The following SDK1 variants were observed in gnomAD, a reference collection of about 807,000 sequenced individuals.
SDK1 encodes protein sidekick-1.
SDK1 carries 157 observed loss-of-function variants against 245.5 expected under a neutral mutation model. That is an observed-to-expected ratio of 0.64 (90% CI 0.56 to 0.73). The LOEUF (loss-of-function observed/expected upper bound fraction) is 0.73. Ranked by LOEUF, SDK1 falls within the 30% of genes least tolerant of loss-of-function variation. The probability of loss-of-function intolerance (pLI) is 0.00; values close to 1 mark genes in which losing one functional copy is unlikely to be tolerated. For synonymous variants in SDK1, 1,647 were observed against 1,278.5 expected (o/e 1.29, Z -6.15); for missense variants, 3,583 against 3,002.3 (o/e 1.19, Z -4.52).
chr7:4,017,927 G>T (rs1786547443), intron 17 of SDK1, among the ~76,000 whole-genome samples: 1 of 152,156 alleles, frequency 6.6e-6, no homozygotes, highest in South Asian at 2.1e-4. Context: ...AATATCCGTG[G>T]TGAGATCCGG....
At chr7:4,221,107 G>T (rs529241836) in intron 39 of SDK1, 132 bp from the exon 40 acceptor site, 3 of 1,066,812 alleles carry the variant, frequency 2.8e-6, no homozygotes, top group African/African-American at 3.2e-5. Flanking sequence ...CCCTGGGTGC[G>T]TGAGGTTAAG....
intron 1 of SDK1, among the ~76,000 whole-genome samples, chr7:3,614,190 C>G (rs1781692978): frequency 6.6e-6 from 1 of 152,140 alleles, no homozygotes; most frequent in African/African-American, 2.4e-5. Context: ...TTGGGCAGAC[C>G]TTAAACCTAT....
At chr7:4,030,308 G>C (rs183476578) in intron 17 of SDK1, among the ~76,000 whole-genome samples, 27 of 152,344 alleles carry the variant, frequency 1.8e-4, no homozygotes, top group Non-Finnish European at 3.5e-4. Flanking sequence ...ATATGTGTAC[G>C]AAAACAGCTT....
intron 16 of SDK1, among the ~76,000 whole-genome samples, chr7:4,016,122 C>T (rs1209403710): frequency 8.5e-5 from 13 of 152,264 alleles, no homozygotes; most frequent in Admixed American, 7.2e-4. Flanking sequence ...GCTCAGGTGC[C>T]CTGCCCGCGT....
intron 22 of SDK1, among the ~76,000 whole-genome samples, chr7:4,100,775 G>A (rs1782485528): frequency 6.6e-6 from 1 of 152,212 alleles, no homozygotes; most frequent in South Asian, 2.1e-4. Context: ...GGTGTAGGAG[G>A]GCACCAGGCA....
chr7:3,666,858 G>A (rs888828032), intron 4 of SDK1, among the ~76,000 whole-genome samples: 12 of 152,156 alleles, frequency 7.9e-5, no homozygotes, highest in African/African-American at 2.7e-4. Context: ...AGGGATAAAT[G>A]CCTGACGTTT....
At chr7:3,918,868 T>A (rs1779486373) in intron 5 of SDK1, among the ~76,000 whole-genome samples, 2 of 152,124 alleles carry the variant, frequency 1.3e-5, no homozygotes, top group African/African-American at 4.8e-5. Context: ...CTTCTCACAC[T>A]CTATTCTTCT....
At chr7:3,844,727 C>T (rs1193439878) in intron 5 of SDK1, among the ~76,000 whole-genome samples, 1 of 152,178 alleles carries the variant, frequency 6.6e-6, no homozygotes, top group Non-Finnish European at 1.5e-5. Flanking sequence ...GAGTGCCACA[C>T]AGAGAACCTC....
rs1286992645 is a variant in SDK1 at position 3,441,557 on chromosome 7, C to T, written c.298+139673C>T. The stretch of plus-strand genomic sequence containing the variant: ...ATCTATTTTTGGACTCTGTTTTGTT[C>T]CGTTGATACATTTGTGTCTCTTTGC... On this transcript the variant is annotated intron_variant, in intron 1 of 44. Coordinates refer to ENST00000404826, the MANE Select transcript of SDK1 (RefSeq NM_152744.4). Among the ~76,000 whole-genome samples the T allele has an allele frequency of 2.6e-5, 4 of 151,746 alleles. No homozygotes were observed. The East Asian group carries it at 7.7e-4, about 29-fold the overall frequency.
At chr7:3,461,959 C>G (rs1375181342) in intron 1 of SDK1, among the ~76,000 whole-genome samples, 1 of 152,096 alleles carries the variant, frequency 6.6e-6, no homozygotes, top group Non-Finnish European at 1.5e-5. Context: ...TAAGCATGTT[C>G]AAGACTCTTC....
chr7:3,860,678 G>A (rs921533411), intron 5 of SDK1, among the ~76,000 whole-genome samples: 11 of 152,250 alleles, frequency 7.2e-5, no homozygotes, highest in Admixed American at 4.6e-4. Context: ...TTAAAATGAC[G>A]TAGCAGTCAT....
rs184594740 is a variant in SDK1, at chr7:3,630,527, T to G, written c.459-8477T>G. 3.6e-3 allele frequency among the ~76,000 whole-genome samples: 542 copies of G among 152,264 alleles called. 6 individuals are homozygous for G. The highest frequency in any genetic ancestry group is 0.012 in the African/African-American group (494 of 41,562). On this transcript the variant is annotated intron_variant, in intron 2 of 44. Coordinates refer to ENST00000404826, the MANE Select transcript of SDK1 (RefSeq NM_152744.4). ...GGTGCATGCCTATAATCCCAGTTAG[T>G]TGGGAGGTTGAGGCAGGAGAATCCC...
intron 32 of SDK1, among the ~76,000 whole-genome samples, chr7:4,166,612 C>A (rs931004362): frequency 6.6e-6 from 1 of 152,190 alleles, no homozygotes. Flanking sequence ...GACCAAACTC[C>A]GGAGAGAATC....
intron 5 of SDK1, among the ~76,000 whole-genome samples, chr7:3,827,962 C>A (rs1779817603): frequency 6.6e-6 from 1 of 152,210 alleles, no homozygotes; most frequent in Non-Finnish European, 1.5e-5. Context: ...TAGAACAAAG[C>A]ACGTCTGTCC....
intron 1 of SDK1, among the ~76,000 whole-genome samples, chr7:3,586,887 T>C (rs1461852281): frequency 2.6e-5 from 4 of 152,152 alleles, no homozygotes; most frequent in Non-Finnish European, 5.9e-5. Flanking sequence ...GTGCTGGAGC[T>C]GTTGTGAGAG....
intron 5 of SDK1, among the ~76,000 whole-genome samples, chr7:3,861,438 A>G (rs1780689959): frequency 6.6e-6 from 1 of 152,178 alleles, no homozygotes; most frequent in Non-Finnish European, 1.5e-5. Flanking sequence ...CTGTGCAGGC[A>G]TTTTTGGGCT....
At chr7:4,111,405 A>G (rs899305718) in intron 23 of SDK1, among the ~76,000 whole-genome samples, 2 of 152,236 alleles carry the variant, frequency 1.3e-5, no homozygotes, top group Non-Finnish European at 2.9e-5. Flanking sequence ...TTGTTCTGCC[A>G]GGATGGAACA....
At chr7:4,005,825 G>A (rs568071899) in intron 14 of SDK1, among the ~76,000 whole-genome samples, 2 of 152,312 alleles carry the variant, frequency 1.3e-5, no homozygotes, top group South Asian at 4.1e-4. Flanking sequence ...GAGTCCAGGT[G>A]TTCAAGACAA....
In SDK1 at chr7:3,710,323, A is replaced by C. The variant is rs533599498; in HGVS notation, c.713+68218A>C. Among the ~76,000 whole-genome samples the C allele has an allele frequency of 2.6e-5, 4 of 152,376 alleles. No individual in the cohort carries two copies. The South Asian group carries it at 8.3e-4, about 32-fold the overall frequency. ...GATTAGGTGGGCGTGAGATCCTCAC[A>C]TACTGAACACACACTTAGTAACTTT... On this transcript the variant is annotated intron_variant, in intron 4 of 44. Transcript: ENST00000404826.
Sources: gnomAD v4.1 joint callset for allele counts (sites outside exome capture counted in the v4.1 genomes callset) on GRCh38, gnomAD v4.1.1 for gene constraint, MANE v1.5 for transcripts, NCBI Gene and HGNC (gene_info 2026-07-23, HGNC 2026-07-21) for gene names.